The following BCL11B variants were observed in gnomAD, a reference collection of about 807,000 sequenced individuals.
BCL11B encodes B-cell lymphoma/leukemia 11B.
BCL11B carries 8 observed loss-of-function variants against 49.9 expected under a neutral mutation model. The observed-to-expected ratio is 0.16, with a 90% confidence interval of 0.09 to 0.29. The LOEUF is 0.29. BCL11B is among the 10% of genes least tolerant of loss of function. BCL11B has a pLI of 1.00. For missense variants in BCL11B, 1,006 were observed against 1,351.0 expected, an observed-to-expected ratio of 0.74 and a Z score of 4.00; for synonymous variants, 739 against 637.4, an observed-to-expected ratio of 1.16 and a Z score of -2.40.
chr14:99,230,506 C>T (rs545409309), intron 3 of BCL11B, among the ~76,000 whole-genome samples: 136 of 152,224 alleles, frequency 8.9e-4, no homozygotes, highest in African/African-American at 3.1e-3. Flanking sequence ...GCCGAGATGC[C>T]GGGGGGACAG....
Position 99,232,584 on chromosome 14 carries a change from A to G in BCL11B, c.428-1027T>C, listed in dbSNP as rs1468170036. On this transcript the variant is annotated intron_variant, in intron 2 of 3. Transcript: ENST00000357195. The surrounding 1 kb of genome is among the most constrained non-coding windows in gnomAD (Gnocchi z 5.1). ...GCACGGGTGGGAGTCTGCCCACTCC[A>G]GGGCCCCCACGTGGATTCCCCCATC... Among the ~76,000 whole-genome samples the G allele has an allele frequency of 6.6e-6, 1 of 152,168 alleles. No homozygotes were observed. Among genetic ancestry groups the G allele is most frequent in the Non-Finnish European group, 1.5e-5 (1 of 68,014 alleles).
intron 3 of BCL11B, among the ~76,000 whole-genome samples, chr14:99,191,402 T>TAA (rs11302505): frequency 1.4e-5 from 2 of 144,286 alleles, no homozygotes; most frequent in East Asian, 2.0e-4. Flanking sequence ...CACCTAAATC[T>TAA]AAAAAAAAAA....
intron 3 of BCL11B, among the ~76,000 whole-genome samples, chr14:99,208,019 A>G (rs939001483): frequency 6.6e-6 from 1 of 152,208 alleles, no homozygotes; most frequent in Admixed American, 6.5e-5. Flanking sequence ...CGCCCAGCAC[A>G]GAGCGGGTGC....
At chr14:99,235,069 C>G (rs918215932) in intron 2 of BCL11B, among the ~76,000 whole-genome samples, 1 of 152,104 alleles carries the variant, frequency 6.6e-6, no homozygotes, top group African/African-American at 2.4e-5. Flanking sequence ...CCAGCGAACA[C>G]GCCCACCGCC....
chr14:99,173,993 G>A lies in BCL11B; in HGVS notation c.*158C>T. On this transcript the variant is annotated 3_prime_UTR_variant, in exon 4 of 4. Transcript: ENST00000357195. The stretch of plus-strand genomic sequence containing the variant: ...TTAATCAACCCTCGGGTTTCCATAG[G>A]ACTTCGCAGACACAGGTTAGGTTGG... 2 of 662,504 alleles carry A rather than the reference G, an allele frequency of 3.0e-6. No individual in the cohort carries two copies. The highest frequency in any genetic ancestry group is 5.1e-6 in the Non-Finnish European group (2 of 390,586). The allele number at this position is 662,504 out of a possible 1,614,324, so 41.0% of individuals were successfully genotyped here. A position where few individuals can be genotyped will look rare whatever the true frequency, so the allele number is the denominator to read the frequency against.
At chr14:99,210,810 TG>T (rs771766879) in intron 3 of BCL11B, among the ~76,000 whole-genome samples, 3 of 152,140 alleles carry the variant, frequency 2.0e-5, no homozygotes, top group Non-Finnish European at 2.9e-5. Context: ...GAGCCTGAGG[TG>T]GGAACCCAGT....
rs763204317 is a variant in BCL11B at position 99,231,420 on chromosome 14, G to A, written c.565C>T (p.Arg189Cys). Reference sequence around the variant, plus strand: ...TGAGTCCCGTCACCCGAGACCGGGCGCGCGCTGCAGCACGGCAGGGGGAGG... The same window carrying A: ...TGAGTCCCGTCACCCGAGACCGGGCACGCGCTGCAGCACGGCAGGGGGAGG... ...PCLPLPCCSA[R>C]PVSGDGTQGE... is the part of the protein sequence containing the mutation. The change falls in exon 3 of 4, where the codon CGC becomes TGC. Residue 189 changes from arginine (R) to cysteine (C), a missense_variant. Arg to Cys is a radical substitution (Grantham distance 180). Transcript: ENST00000357195. This position sits in a 1 kb window ranked among gnomAD's most constrained non-coding sequence, Gnocchi z 8.1. The A allele has an allele frequency of 1.3e-5, 21 of 1,596,190 alleles. No homozygotes were observed. Among genetic ancestry groups the A allele is most frequent in the East Asian group, 1.1e-4 (5 of 44,592 alleles).
At chr14:99,181,014 C>T (rs559925694) in intron 3 of BCL11B, among the ~76,000 whole-genome samples, 1 of 152,202 alleles carries the variant, frequency 6.6e-6, no homozygotes, top group African/African-American at 2.4e-5. Flanking sequence ...TCTAATAATA[C>T]CAATAAAGGT....
rs1373497419 is a variant in BCL11B at position 99,175,388 on chromosome 14, G to A, written c.1448C>T (p.Ser483Leu). 1 of 1,597,434 alleles carries A rather than the reference G, an allele frequency of 6.3e-7. No homozygotes were observed. The highest frequency in any genetic ancestry group is 8.5e-7 in the Non-Finnish European group (1 of 1,174,882). ...HMKTHMHKAGSLAGRSDDGLS... is the reference protein window; with the variant it reads ...HMKTHMHKAGLLAGRSDDGLS... Reference sequence around the variant, plus strand: ...CCCGTCGTCGGAGCGGCCGGCCAGCGAGCCGGCCTTGTGCATGTGCGTCTT... The same window carrying A: ...CCCGTCGTCGGAGCGGCCGGCCAGCAAGCCGGCCTTGTGCATGTGCGTCTT... The change falls in exon 4 of 4, where the codon TCG becomes TTG. Residue 483 changes from serine (S) to leucine (L), a missense_variant. Physicochemically the swap from Ser to Leu is moderately radical, Grantham distance 145 (BLOSUM62 -2). Transcript: ENST00000357195.
rs1481035388 is a variant in BCL11B, at chr14:99,175,801, G to A, written c.1035C>T (p.Phe345=). The change falls in exon 4 of 4, where the codon TTC becomes TTT. Residue 345 remains phenylalanine (F), a synonymous_variant. Transcript: ENST00000357195. ...MGLVAQHPSA[F]DRVMRLNPMA... ...TGGGGTTCAGGCGCATGACTCGGTC[G>A]AAGGCACTGGGGTGCTGGGCGACGA... The A allele has an allele frequency of 2.0e-6, 3 of 1,474,284 alleles. No homozygotes were observed. The highest frequency in any genetic ancestry group is 3.0e-5 in the African/African-American group (2 of 67,502). The allele number at this position is 1,474,284 out of a possible 1,614,324, so 91.3% of individuals were successfully genotyped here. A position where few individuals can be genotyped will look rare whatever the true frequency, so the allele number is the denominator to read the frequency against.
intron 3 of BCL11B, among the ~76,000 whole-genome samples, chr14:99,207,012 C>T (rs1367281538): frequency 6.6e-6 from 1 of 152,178 alleles, no homozygotes; most frequent in South Asian, 2.1e-4. Flanking sequence ...GCAGTTGATC[C>T]AAAACTCTCT....
intron 3 of BCL11B, among the ~76,000 whole-genome samples, chr14:99,196,556 C>G (rs143160006): frequency 6.6e-6 from 1 of 152,204 alleles, no homozygotes; most frequent in African/African-American, 2.4e-5. Context: ...TAGGCCACAG[C>G]AGCTTTCACT....
Position 99,205,309 on chromosome 14 carries a change from C to T in BCL11B, c.640+26036G>A, listed in dbSNP as rs930080665. Among the ~76,000 whole-genome samples the T allele has an allele frequency of 4.6e-5, 7 of 152,122 alleles. No individual in the cohort carries two copies. Among genetic ancestry groups the T allele is most frequent in the Admixed American group, 3.3e-4 (5 of 15,278 alleles). Reference sequence around the variant, plus strand: ...GTCTCAGACCCTGAAAATGAGCATCCGGGGACAGTCCCTAACTGAGACGGC... The same window carrying T: ...GTCTCAGACCCTGAAAATGAGCATCTGGGGACAGTCCCTAACTGAGACGGC... On this transcript the variant is annotated intron_variant, in intron 3 of 3. Coordinates refer to ENST00000357195, the MANE Select transcript of BCL11B (RefSeq NM_138576.4). The surrounding 1 kb of genome is among the most constrained non-coding windows in gnomAD (Gnocchi z 5.0).
chr14:99,198,983 C>G (rs1272897138), intron 3 of BCL11B, among the ~76,000 whole-genome samples: 1 of 152,122 alleles, frequency 6.6e-6, no homozygotes, highest in Non-Finnish European at 1.5e-5. Context: ...CACTTGCTCA[C>G]GGCGAGGGAC....
intron 2 of BCL11B, among the ~76,000 whole-genome samples, chr14:99,235,729 C>T (rs1595272135): frequency 6.6e-6 from 1 of 150,638 alleles, no homozygotes; most frequent in African/African-American, 2.4e-5. Flanking sequence ...AAGGAGGTGG[C>T]GCTGGTGGAC....
At chr14:99,185,512 A>G (rs920312494) in intron 3 of BCL11B, among the ~76,000 whole-genome samples, 3 of 151,938 alleles carry the variant, frequency 2.0e-5, no homozygotes, top group African/African-American at 7.3e-5. Context: ...GGAGGTGCCC[A>G]GGCCAAGGAG....
chr14:99,222,361 G>C (rs913444930), intron 3 of BCL11B, among the ~76,000 whole-genome samples: 7 of 152,290 alleles, frequency 4.6e-5, no homozygotes, highest in African/African-American at 1.7e-4. Flanking sequence ...TTCTCTCACA[G>C]GTGTAGACAC....
At chr14:99,245,144 C>T (rs1888788433) in intron 2 of BCL11B, among the ~76,000 whole-genome samples, 2 of 152,216 alleles carry the variant, frequency 1.3e-5, no homozygotes, top group South Asian at 4.1e-4. Flanking sequence ...CACTGCTTTT[C>T]TGGGCCTTTA....
At chr14:99,202,092 C>T (rs1359428884) in intron 3 of BCL11B, among the ~76,000 whole-genome samples, 1 of 152,174 alleles carries the variant, frequency 6.6e-6, no homozygotes, top group Non-Finnish European at 1.5e-5. Context: ...GCAATTCTCC[C>T]CACCTCAGCC....
Sources: gnomAD v4.1 joint callset for allele counts (sites outside exome capture counted in the v4.1 genomes callset) on GRCh38, gnomAD v4.1.1 for gene constraint, Gnocchi (gnomAD v3.1) non-coding constraint, MANE v1.5 for transcripts, NCBI Gene and HGNC (gene_info 2026-07-23, HGNC 2026-07-21) for gene names.